Variants in AHCYL1 observed in about 807,000 individuals in gnomAD.
The protein encoded by AHCYL1 is adenosylhomocysteinase like 1, also known as S-adenosylhomocysteine hydrolase-like protein 1.
In AHCYL1, 20 loss-of-function variants were observed where a neutral mutation model predicts 79.3. That is an observed-to-expected ratio of 0.25 (90% CI 0.18 to 0.37). The LOEUF (loss-of-function observed/expected upper bound fraction) is 0.37. AHCYL1 is among the 10% of genes least tolerant of loss of function. The probability of loss-of-function intolerance (pLI) is 1.00; values close to 1 mark genes in which losing one functional copy is unlikely to be tolerated. For missense variants in AHCYL1, 330 were observed against 673.6 expected, an observed-to-expected ratio of 0.49 and a Z score of 5.65; for synonymous variants, 223 against 242.2, an observed-to-expected ratio of 0.92 and a Z score of 0.74.
At chr1:109,998,263 T>A (rs1456364737) in intron 1 of AHCYL1, among the ~76,000 whole-genome samples, 2 of 152,252 alleles carry the variant, frequency 1.3e-5, no homozygotes, top group East Asian at 3.9e-4. Context: ...GCTTATGAAG[T>A]TATATAGTTA....
intron 7 of AHCYL1, 113 bp downstream of exon 7, chr1:110,015,644 A>T (rs1651368592): frequency 3.0e-6 from 2 of 670,246 alleles, no homozygotes; most frequent in Non-Finnish European, 4.5e-6. Context: ...GAATATCTTC[A>T]TTAGATAAAA....
chr1:110,014,238 G>A (rs1230598354), intron 5 of AHCYL1, among the ~76,000 whole-genome samples: 1 of 152,166 alleles, frequency 6.6e-6, no homozygotes, highest in Non-Finnish European at 1.5e-5. Flanking sequence ...ACTACATAGA[G>A]TATTTGATTA....
At chr1:109,990,516 G>A (rs528877277) in intron 1 of AHCYL1, among the ~76,000 whole-genome samples, 2 of 152,242 alleles carry the variant, frequency 1.3e-5, no homozygotes, top group South Asian at 4.1e-4. Context: ...GCAAATGAGA[G>A]CCTAATTTTG....
At chr1:109,994,536 G>T (rs552220370) in intron 1 of AHCYL1, among the ~76,000 whole-genome samples, 1 of 152,146 alleles carries the variant, frequency 6.6e-6, no homozygotes, top group Non-Finnish European at 1.5e-5. Context: ...TGATCCACCC[G>T]CCATGGCCTC....
chr1:110,018,402 T>C lies in AHCYL1; in HGVS notation c.1153T>C (p.Leu385=), dbSNP rs141877166. The part of the protein sequence containing the change: ...GNKNVVTREH[L]DRMKNSCIVC... ...TAAGAATGTAGTGACACGGGAGCAC[T>C]TGGATCGCATGAAAAACAGTTGTAT... The change falls in exon 12 of 17, where the codon TTG becomes CTG. Residue 385 remains leucine, a synonymous_variant. Coordinates refer to ENST00000369799, the MANE Select transcript of AHCYL1 (RefSeq NM_006621.7). 367 of 1,614,184 alleles carry C rather than the reference T, an allele frequency of 2.3e-4. No homozygotes were observed. Among genetic ancestry groups the C allele is most frequent in the Middle Eastern group, 6.6e-4 (4 of 6,062 alleles).
chr1:110,000,612 A>G (rs1398969586), intron 1 of AHCYL1, among the ~76,000 whole-genome samples: 1 of 152,246 alleles, frequency 6.6e-6, no homozygotes, highest in African/African-American at 2.4e-5. Context: ...AAGCTCAGAA[A>G]GCTTATAGTG....
chr1:110,019,007 A>C, intron 13 of AHCYL1, 44 bp from the exon 14 acceptor site: 1 of 1,589,608 alleles, frequency 6.3e-7, no homozygotes, highest in South Asian at 1.1e-5. Context: ...TGCCATTGGA[A>C]TCTGAGACAG....
In AHCYL1 at chr1:110,019,638, A is replaced by G; in HGVS notation, c.1465+12A>G. On this transcript the variant is annotated intron_variant, in intron 15 of 16. Coordinates refer to ENST00000369799, the MANE Select transcript of AHCYL1 (RefSeq NM_006621.7). Reference sequence around the variant, plus strand: ...TCCTAAGAAAATGGGTGAGTGAAAAACAGTGGAAATCTATGCAGACAGCTG... The same window carrying G: ...TCCTAAGAAAATGGGTGAGTGAAAAGCAGTGGAAATCTATGCAGACAGCTG... The G allele has an allele frequency of 2.5e-6, 4 of 1,608,690 alleles. No individual in the cohort carries two copies. In the South Asian group the frequency reaches 4.4e-5, roughly 18 times the overall value.
chr1:110,014,718 C>T (rs1306141626), intron 5 of AHCYL1, 45 bp from the exon 6 acceptor site: 1 of 1,435,092 alleles, frequency 7.0e-7, no homozygotes, highest in Non-Finnish European at 9.8e-7. Flanking sequence ...TGGTACAGGA[C>T]ACTCCTCAAA....
At chr1:109,991,583 G>A (rs1453261521) in intron 1 of AHCYL1, among the ~76,000 whole-genome samples, 1 of 152,194 alleles carries the variant, frequency 6.6e-6, no homozygotes, top group Non-Finnish European at 1.5e-5. Flanking sequence ...TTCACAATTT[G>A]AGGAACTGCT....
At chr1:110,008,123 A>G (rs1183656654) in intron 1 of AHCYL1, among the ~76,000 whole-genome samples, 4 of 150,238 alleles carry the variant, frequency 2.7e-5, no homozygotes, top group Admixed American at 1.3e-4. Context: ...CCCGGGTTCA[A>G]GCAATTCCCT....
rs985269786 is a variant in AHCYL1, at chr1:110,019,578, C to G, written c.1417C>G (p.Pro473Ala). 162 of 1,613,052 alleles carry G rather than the reference C, an allele frequency of 1.0e-4. No individual in the cohort carries two copies. The highest frequency in any genetic ancestry group is 1.3e-4 in the Non-Finnish European group (158 of 1,179,792). The stretch of plus-strand genomic sequence containing the variant: ...GGCACTGATAGAACTCTATAATGCA[C>G]CCGAGGGGCGATACAAGCAGGATGT... ...ALALIELYNA[P>A]EGRYKQDVYL... Residue 473 changes from proline (P) to alanine (A), a missense_variant, in exon 15 of 17, where the codon CCC (proline) becomes GCC (alanine). Around this residue, in one of 6 missense-constraint regions of AHCYL1, gnomAD observed 119 missense variants for 293.3 expected, o/e 0.41. Coordinates refer to ENST00000369799, the MANE Select transcript of AHCYL1 (RefSeq NM_006621.7).
At chr1:110,010,003 G>A (rs1305718158) in intron 2 of AHCYL1, among the ~76,000 whole-genome samples, 2 of 152,170 alleles carry the variant, frequency 1.3e-5, no homozygotes, top group Non-Finnish European at 2.9e-5. Context: ...CTTTTGCATT[G>A]TATTATCAAC....
chr1:109,987,372 A>G (rs1649522835), intron 1 of AHCYL1, among the ~76,000 whole-genome samples: 2 of 152,184 alleles, frequency 1.3e-5, no homozygotes, highest in Admixed American at 1.3e-4. Context: ...CATGGTACTT[A>G]ATGGTGTGAG....
chr1:109,986,513 C>T (rs1649475969), intron 1 of AHCYL1, among the ~76,000 whole-genome samples: 1 of 152,208 alleles, frequency 6.6e-6, no homozygotes, highest in African/African-American at 2.4e-5. Flanking sequence ...GTTCAGTTGA[C>T]TGCTTTGTTG....
At chr1:110,008,237 G>T (rs757463773) in intron 1 of AHCYL1, among the ~76,000 whole-genome samples, 3 of 151,726 alleles carry the variant, frequency 2.0e-5, no homozygotes, top group Non-Finnish European at 4.4e-5. Flanking sequence ...GGCCAGGCTG[G>T]TCTCCATCTC....
At chr1:110,016,119 A>C (rs1035154185) in intron 7 of AHCYL1, among the ~76,000 whole-genome samples, 21 of 152,142 alleles carry the variant, frequency 1.4e-4, no homozygotes, top group African/African-American at 4.8e-4. Context: ...CTTCAATTGA[A>C]AGGCTTTTTT....
intron 2 of AHCYL1, among the ~76,000 whole-genome samples, chr1:110,010,789 T>G (rs1323233681): frequency 2.6e-5 from 4 of 152,218 alleles, no homozygotes; most frequent in Non-Finnish European, 5.9e-5. Context: ...TTAACAAACC[T>G]TCCATGTGAT....
At position 110,021,791 on chromosome 1, in the gene AHCYL1, A is replaced by G; in HGVS notation, c.*111A>G. ...CCTTTCCTCTTGATTTTTTTCCTATAATTTCATTCTTGTTTTTTCATCTCA... is the reference window on the plus strand; with the variant it reads ...CCTTTCCTCTTGATTTTTTTCCTATGATTTCATTCTTGTTTTTTCATCTCA... On this transcript the variant is annotated 3_prime_UTR_variant, in exon 17 of 17. Coordinates refer to ENST00000369799, the MANE Select transcript of AHCYL1 (RefSeq NM_006621.7). 8.1e-7 allele frequency: 1 copy of G among 1,228,252 alleles called. No individual in the cohort carries two copies. The highest frequency in any genetic ancestry group is 1.2e-6 in the Non-Finnish European group (1 of 869,204). The allele number at this position is 1,228,252 out of a possible 1,614,324, so 76.1% of individuals were successfully genotyped here.
Sources: gnomAD v4.1 joint callset for allele counts (sites outside exome capture counted in the v4.1 genomes callset) on GRCh38, gnomAD v4.1.1 for gene constraint, gnomAD v4.1.1 regional missense constraint, MANE v1.5 for transcripts, NCBI Gene and HGNC (gene_info 2026-07-23, HGNC 2026-07-21) for gene names.